The following STPG2 variants were observed in gnomAD, a reference collection of about 807,000 sequenced individuals.
STPG2 encodes sperm tail PG-rich repeat containing 2.
STPG2 carries 56 observed loss-of-function variants against 54.2 expected under a neutral mutation model. The ratio of observed to expected loss-of-function variants is 1.03; its 90% CI spans 0.83 to 1.29. The LOEUF (loss-of-function observed/expected upper bound fraction) is 1.29. STPG2 is among the 50% of genes most tolerant of loss of function. STPG2 has a pLI of 0.00. For synonymous variants in STPG2, 200 were observed against 181.8 expected (o/e 1.10, Z -0.81); for missense variants, 596 against 544.9 (o/e 1.09, Z -0.93).
At chr4:98,073,436 A>G (rs896264883) in intron 5 of STPG2, among the ~76,000 whole-genome samples, 1 of 152,196 alleles carries the variant, frequency 6.6e-6, no homozygotes, top group African/African-American at 2.4e-5. Flanking sequence ...AGAAAAAATA[A>G]TAAAATTGGC....
chr4:97,667,385 T>C (rs1417346100), intron 10 of STPG2, among the ~76,000 whole-genome samples: 1 of 152,220 alleles, frequency 6.6e-6, no homozygotes, highest in Non-Finnish European at 1.5e-5. Flanking sequence ...TTTGTGACAG[T>C]TGGAACAGTA....
intron 10 of STPG2, among the ~76,000 whole-genome samples, chr4:97,710,910 T>C (rs982083367): frequency 1.3e-5 from 2 of 152,010 alleles, no homozygotes; most frequent in Non-Finnish European, 2.9e-5. Context: ...GATGTAATAG[T>C]TTGAAATTTC....
rs10564687 is a variant in STPG2, at chr4:97,454,519, C to CAAAAA, written c.462+258175_462+258179dup. Among the ~76,000 whole-genome samples, 86 of 43,698 alleles carry CAAAAA rather than the reference C, an allele frequency of 2.0e-3. 4 individuals carry two copies. The highest frequency in any genetic ancestry group is 5.0e-3 in the East Asian group (4 of 794). The allele number at this position is 43,698 out of a possible 152,430, so 28.7% of individuals were successfully genotyped here. A position where few individuals can be genotyped will look rare whatever the true frequency, so the allele number is the denominator to read the frequency against. ...TGGGCGACAGAGCGAGACTCCGTCT[C>CAAAAA]AAAAAAAAAAAAAAAAAAAAAAAAA... On this transcript the variant is annotated intron_variant, in intron 4 of 4. Transcript: ENST00000522676.
intron 10 of STPG2, among the ~76,000 whole-genome samples, chr4:97,580,567 T>TCACA (rs970060668): frequency 3.3e-5 from 5 of 150,548 alleles, no homozygotes; most frequent in African/African-American, 1.2e-4. Flanking sequence ...TCTCTCCCTC[T>TCACA]CACACACACA....
At chr4:97,500,450 G>A (rs1279966874) in intron 4 of STPG2, among the ~76,000 whole-genome samples, 2 of 152,058 alleles carry the variant, frequency 1.3e-5, no homozygotes, top group Non-Finnish European at 2.9e-5. Flanking sequence ...GAGATTTGAT[G>A]TGTGGAGTTT....
chr4:97,718,448 T>C (rs1467469568), intron 9 of STPG2, among the ~76,000 whole-genome samples: 1 of 151,996 alleles, frequency 6.6e-6, no homozygotes, highest in Non-Finnish European at 1.5e-5. Flanking sequence ...TCAAAGAGTT[T>C]AGAGTTTCCA....
intron 5 of STPG2, among the ~76,000 whole-genome samples, chr4:98,020,000 AC>A (rs1736119510): frequency 8.3e-6 from 1 of 120,852 alleles, no homozygotes; most frequent in South Asian, 2.9e-4. Context: ...CTAATTGAAT[AC>A]CCTTTATTTC....
chr4:98,097,455 C>A (rs1375120785), intron 5 of STPG2, among the ~76,000 whole-genome samples: 2 of 152,026 alleles, frequency 1.3e-5, no homozygotes, highest in African/African-American at 2.4e-5. Flanking sequence ...CCTCAAAAAA[C>A]CAGGTATAGA....
chr4:97,610,746 G>A (rs1240838088), intron 10 of STPG2, among the ~76,000 whole-genome samples: 2 of 151,942 alleles, frequency 1.3e-5, no homozygotes, highest in African/African-American at 4.8e-5. Context: ...ATATTAGTGA[G>A]GCAGAGCAAG....
At chr4:97,739,671 T>A (rs1725152845) in intron 9 of STPG2, among the ~76,000 whole-genome samples, 1 of 152,126 alleles carries the variant, frequency 6.6e-6, no homozygotes, top group Non-Finnish European at 1.5e-5. Context: ...CAGGAAGAAG[T>A]TGAATCTCTG....
At chr4:97,846,295 G>A (rs1728946374) in intron 8 of STPG2, among the ~76,000 whole-genome samples, 1 of 151,994 alleles carries the variant, frequency 6.6e-6, no homozygotes, top group Admixed American at 6.6e-5. Context: ...GAATATACGG[G>A]AAAGAAGGGA....
At chr4:98,055,856 T>C (rs902602712) in intron 5 of STPG2, among the ~76,000 whole-genome samples, 1 of 152,256 alleles carries the variant, frequency 6.6e-6, no homozygotes, top group Middle Eastern at 3.4e-3. Context: ...TGGCCATGCC[T>C]GTTAACAGGG....
At chr4:97,978,210 C>A (rs1246943445) in intron 6 of STPG2, among the ~76,000 whole-genome samples, 2 of 152,108 alleles carry the variant, frequency 1.3e-5, no homozygotes, top group Non-Finnish European at 2.9e-5. Flanking sequence ...TACAAAGACA[C>A]AAGCATGTGT....
intron 5 of STPG2, among the ~76,000 whole-genome samples, chr4:98,098,470 A>G (rs1738927278): frequency 6.6e-6 from 1 of 152,160 alleles, no homozygotes; most frequent in Admixed American, 6.5e-5. Context: ...CAAAAATCAA[A>G]TCAAAATGGA....
chr4:97,869,910 T>A (rs1259277047), intron 8 of STPG2, among the ~76,000 whole-genome samples: 1 of 151,602 alleles, frequency 6.6e-6, no homozygotes, highest in South Asian at 2.1e-4. Context: ...ACATCACTGT[T>A]TGGCAGAGTC....
chr4:97,694,377 G>T (rs1044558506), intron 10 of STPG2, among the ~76,000 whole-genome samples: 13 of 151,912 alleles, frequency 8.6e-5, no homozygotes, highest in Admixed American at 5.9e-4. Flanking sequence ...ATTCAAGGCT[G>T]CTATGAACAA....
chr4:97,669,856 T>C (rs2148968243), intron 10 of STPG2, among the ~76,000 whole-genome samples: 1 of 152,136 alleles, frequency 6.6e-6, no homozygotes, highest in Admixed American at 6.5e-5. Context: ...ATGAAGTCAT[T>C]ATAATGCTAA....
chr4:97,484,024 G>C (rs1206163232), intron 4 of STPG2, among the ~76,000 whole-genome samples: 1 of 151,674 alleles, frequency 6.6e-6, no homozygotes, highest in Non-Finnish European at 1.5e-5. Flanking sequence ...TCTTCAAACT[G>C]AACGACAATA....
rs115286325 is a variant in STPG2 at position 98,042,432 on chromosome 4, G to A, written c.613-61114C>T. Among the ~76,000 whole-genome samples the A allele has an allele frequency of 4.3e-3, 655 of 151,480 alleles. 5 individuals carry two copies. The highest frequency in any genetic ancestry group is 0.015 in the African/African-American group (626 of 41,370). ...TGTAACAGTAGGTTACTAATTTGTG[G>A]TGTTTCTTTTTATGTTTGCATTTAA... On this transcript the variant is annotated intron_variant, in intron 5 of 10. Transcript: ENST00000295268.
Sources: allele counts gnomAD v4.1 joint callset (sites outside exome capture counted in the v4.1 genomes callset), GRCh38; gene constraint gnomAD v4.1.1; transcripts MANE v1.5; gene names NCBI Gene and HGNC (gene_info 2026-07-23, HGNC 2026-07-21).